AFG2A: variants seen among roughly 807,000 people sequenced by gnomAD.
The protein encoded by AFG2A is ATPase family gene 2 protein homolog A.
chr4:122,943,824 A>AG, the AFG2A span, among the ~76,000 whole-genome samples: 1 of 152,164 alleles, frequency 6.6e-6, no homozygotes, highest in Admixed American at 6.5e-5. Context: ...CTTTTAGGGC[A>AG]GGCCTGGTGG....
chr4:123,110,144 C>T, the AFG2A span, among the ~76,000 whole-genome samples: 1 of 152,058 alleles, frequency 6.6e-6, no homozygotes, highest in South Asian at 2.1e-4. Flanking sequence ...GATTAAAGCT[C>T]ATGTTAACTA....
the AFG2A span, among the ~76,000 whole-genome samples, chr4:122,951,413 C>A: frequency 6.8e-6 from 1 of 146,592 alleles, no homozygotes; most frequent in Non-Finnish European, 1.5e-5. Flanking sequence ...ATGACTGTAT[C>A]CTATCAGACT....
At chr4:122,973,476 T>C in the AFG2A span, among the ~76,000 whole-genome samples, 4 of 152,132 alleles carry the variant, frequency 2.6e-5, no homozygotes, top group Non-Finnish European at 5.9e-5. Flanking sequence ...GTTTTTTTTT[T>C]CATTCTTTTG....
the AFG2A span, among the ~76,000 whole-genome samples, chr4:122,997,604 A>G: frequency 6.6e-6 from 1 of 152,144 alleles, no homozygotes; most frequent in Non-Finnish European, 1.5e-5. Context: ...GTGAACATTC[A>G]TGTACAAGTT....
chr4:123,236,557 A>G, the AFG2A span, among the ~76,000 whole-genome samples: 602 of 152,346 alleles, frequency 4.0e-3, 2 homozygotes, highest in Non-Finnish European at 7.1e-3. Flanking sequence ...ATTCTGCCAC[A>G]GAATTAAAAT....
At chr4:122,950,238 G>A in the AFG2A span, among the ~76,000 whole-genome samples, 1 of 152,198 alleles carries the variant, frequency 6.6e-6, no homozygotes, top group African/African-American at 2.4e-5. Context: ...CAGCCCCACT[G>A]CTGTAGGGTT....
At chr4:122,934,069 CAT>C in the AFG2A span, 1 of 1,531,884 alleles carries the variant, frequency 6.5e-7, no homozygotes, top group Non-Finnish European at 8.8e-7. Flanking sequence ...ATTATGCTAA[CAT>C]GTATATTTAA....
the AFG2A span, among the ~76,000 whole-genome samples, chr4:123,113,069 C>T: frequency 6.6e-6 from 1 of 151,990 alleles, no homozygotes; most frequent in African/African-American, 2.4e-5. Flanking sequence ...GTATCATTGG[C>T]TTTTTTTCTC....
chr4:123,207,846 T>C, the AFG2A span, among the ~76,000 whole-genome samples: 1 of 152,178 alleles, frequency 6.6e-6, no homozygotes, highest in Non-Finnish European at 1.5e-5. Flanking sequence ...TGTTAAGATG[T>C]AGGCACTAAC....
the AFG2A span, among the ~76,000 whole-genome samples, chr4:123,311,576 G>A: frequency 1.5e-5 from 2 of 137,374 alleles, no homozygotes; most frequent in African/African-American, 2.8e-5. Flanking sequence ...GCAGGGAGCC[G>A]AGATTACGCC....
At chr4:123,228,573 A>G in the AFG2A span, among the ~76,000 whole-genome samples, 1 of 152,054 alleles carries the variant, frequency 6.6e-6, no homozygotes. Context: ...AATAGCGTTC[A>G]TTTATTTAGT....
the AFG2A span, chr4:122,923,134 C>G: frequency 1.2e-6 from 2 of 1,614,166 alleles, no homozygotes; most frequent in East Asian, 2.2e-5. Flanking sequence ...GCTAGGGTAC[C>G]TTGTGACCAT....
At chr4:123,149,990 A>C in the AFG2A span, among the ~76,000 whole-genome samples, 952 of 152,090 alleles carry the variant, frequency 6.3e-3, 9 homozygotes, top group African/African-American at 0.022. Flanking sequence ...CAATAAACAT[A>C]ATACATCACA....
the AFG2A span, among the ~76,000 whole-genome samples, chr4:123,152,574 G>C: frequency 6.6e-6 from 1 of 152,176 alleles, no homozygotes; most frequent in East Asian, 1.9e-4. Context: ...CTACACACTT[G>C]TTAGAATGGT....
chr4:123,027,120 T>A, the AFG2A span, among the ~76,000 whole-genome samples: 1 of 152,140 alleles, frequency 6.6e-6, no homozygotes, highest in African/African-American at 2.4e-5. Flanking sequence ...GCTCAAGGTG[T>A]GTTTTTTTTT....
chr4:123,090,678 T>A, the AFG2A span: 5 of 1,614,158 alleles, frequency 3.1e-6, no homozygotes, highest in Non-Finnish European at 4.2e-6. Context: ...TTTTGGCAGC[T>A]ACTAACCGTC....
chr4:123,244,092 A>G, the AFG2A span, among the ~76,000 whole-genome samples: 2 of 152,142 alleles, frequency 1.3e-5, no homozygotes, highest in Admixed American at 1.3e-4. Flanking sequence ...GATTAAAAAA[A>G]AAGACATTAT....
the AFG2A span, among the ~76,000 whole-genome samples, chr4:123,159,462 G>A: frequency 6.6e-6 from 1 of 152,146 alleles, no homozygotes; most frequent in African/African-American, 2.4e-5. Flanking sequence ...AGACTACTAA[G>A]AAAGAAAATG....
the AFG2A span, among the ~76,000 whole-genome samples, chr4:123,300,752 GTT>G: frequency 0.025 from 3,634 of 146,086 alleles, 123 homozygotes; most frequent in African/African-American, 0.079. Context: ...TGTTTTTTTT[GTT>G]TTTTTTTTTT....
Sources: allele counts gnomAD v4.1 joint callset (sites outside exome capture counted in the v4.1 genomes callset), GRCh38; gene constraint gnomAD v4.1.1; transcripts MANE v1.5; gene names NCBI Gene and HGNC (gene_info 2026-07-23, HGNC 2026-07-21).